The following MLLT3 variants were observed in gnomAD, a reference collection of about 807,000 sequenced individuals.
MLLT3 encodes the protein protein AF-9.
Under a neutral mutation model 53.2 loss-of-function variants are expected in MLLT3, and 4 were observed. The ratio of observed to expected loss-of-function variants is 0.08; its 90% CI spans 0.04 to 0.17. The LOEUF is 0.17. MLLT3 is among the 10% of genes least tolerant of loss of function. The probability of loss-of-function intolerance (pLI) is 1.00; values close to 1 mark genes in which losing one functional copy is unlikely to be tolerated. For synonymous variants in MLLT3, 283 were observed against 230.6 expected (o/e 1.23, Z -2.06); for missense variants, 569 against 684.0 (o/e 0.83, Z 1.87).
At chr9:20,419,614 C>T (rs1392176976) in intron 4 of MLLT3, among the ~76,000 whole-genome samples, 1 of 151,668 alleles carries the variant, frequency 6.6e-6, no homozygotes, top group Non-Finnish European at 1.5e-5. Flanking sequence ...TCACATTGTG[C>T]TTCTCATTTG....
intron 5 of MLLT3, 114 bp downstream of exon 5, chr9:20,413,607 T>G: frequency 1.2e-6 from 1 of 858,436 alleles, no homozygotes; most frequent in South Asian, 2.0e-5. Flanking sequence ...TCTACCTCTG[T>G]GCTACCATTT....
chr9:20,489,180 G>A (rs1353455730), intron 2 of MLLT3, among the ~76,000 whole-genome samples: 2 of 152,072 alleles, frequency 1.3e-5, no homozygotes, highest in Non-Finnish European at 2.9e-5. Flanking sequence ...AGGGTAGAGA[G>A]GTAGGGGACT....
intron 5 of MLLT3, among the ~76,000 whole-genome samples, chr9:20,369,360 C>G (rs534571186): frequency 6.6e-6 from 1 of 152,172 alleles, no homozygotes; most frequent in Non-Finnish European, 1.5e-5. Flanking sequence ...TCCTTAAACA[C>G]ACACACAAAA....
intron 2 of MLLT3, among the ~76,000 whole-genome samples, chr9:20,607,810 G>A (rs544350609): frequency 6.6e-6 from 1 of 152,036 alleles, no homozygotes; most frequent in East Asian, 1.9e-4. Flanking sequence ...ATTTTAGATT[G>A]CAGAGAGACC....
In MLLT3 at chr9:20,448,060, GTTT is replaced by G; in HGVS notation, c.420+60_420+62del. 1.7e-6 allele frequency: 2 copies of G among 1,205,034 alleles called. No individual in the cohort carries two copies. The highest frequency in any genetic ancestry group is 2.3e-6 in the Non-Finnish European group (2 of 878,406). 74.6% of individuals were successfully genotyped at this position (1,205,034 alleles called of 1,614,324 possible). ...TAACACATGAGGAACTAGTTTGTTTGTTTTTTTTTTTGTTGTTGTTGTTTTTTA... is the reference window on the plus strand; with the variant it reads ...TAACACATGAGGAACTAGTTTGTTTGTTTTTTTTGTTGTTGTTGTTTTTTA... On this transcript the variant is annotated intron_variant, in intron 4 of 10. Coordinates refer to ENST00000380338, the MANE Select transcript of MLLT3 (RefSeq NM_004529.4). This position sits in a 1 kb window ranked among gnomAD's most constrained non-coding sequence, Gnocchi z 4.0.
intron 2 of MLLT3, among the ~76,000 whole-genome samples, chr9:20,590,896 T>C (rs1363049615): frequency 7.1e-6 from 1 of 141,502 alleles, no homozygotes; most frequent in Non-Finnish European, 1.6e-5. Flanking sequence ...TGCATCACCA[T>C]ACTTAGCTAA....
intron 2 of MLLT3, among the ~76,000 whole-genome samples, chr9:20,544,041 A>T (rs1216018521): frequency 6.6e-6 from 1 of 152,226 alleles, no homozygotes; most frequent in Non-Finnish European, 1.5e-5. Context: ...GAGAACCCAG[A>T]AGTAAAGTCT....
intron 4 of MLLT3, among the ~76,000 whole-genome samples, chr9:20,440,713 A>G (rs1456855096): frequency 1.3e-5 from 2 of 152,174 alleles, no homozygotes; most frequent in Non-Finnish European, 2.9e-5. Context: ...AAACAGAATC[A>G]ACAGTTTTCA....
chr9:20,603,320 G>A (rs1820481911), intron 2 of MLLT3, among the ~76,000 whole-genome samples: 2 of 152,000 alleles, frequency 1.3e-5, no homozygotes, highest in South Asian at 4.1e-4. Context: ...TTTCAGCTCT[G>A]ATCTCAAGAA....
chr9:20,472,246 T>C (rs1019763892), intron 2 of MLLT3, among the ~76,000 whole-genome samples: 2 of 152,096 alleles, frequency 1.3e-5, no homozygotes, highest in African/African-American at 2.4e-5. Context: ...AATAAACTAG[T>C]ATGCAAATTT....
chr9:20,533,000 CA>C (rs1431105615), intron 2 of MLLT3: 3 of 258,302 alleles, frequency 1.2e-5, no homozygotes, highest in South Asian at 4.5e-5. Context: ...TGGTGGAGAA[CA>C]AAAAGGCTCA....
chr9:20,538,486 T>C (rs553787592), intron 2 of MLLT3, among the ~76,000 whole-genome samples: 1 of 152,282 alleles, frequency 6.6e-6, no homozygotes, highest in South Asian at 2.1e-4. Context: ...TCCACCTCAA[T>C]ATCAGGAATA....
At chr9:20,372,361 A>T (rs1390954838) in intron 5 of MLLT3, among the ~76,000 whole-genome samples, 1 of 152,132 alleles carries the variant, frequency 6.6e-6, no homozygotes, top group African/African-American at 2.4e-5. Context: ...TGCAAAAGTC[A>T]GTCAGTCCAT....
chr9:20,599,265 C>T (rs1482211467), intron 2 of MLLT3, among the ~76,000 whole-genome samples: 2 of 149,452 alleles, frequency 1.3e-5, no homozygotes, highest in East Asian at 3.9e-4. Flanking sequence ...GATCGTGCCA[C>T]TGCACGTCAG....
chr9:20,505,780 C>T (rs182430457), intron 2 of MLLT3, among the ~76,000 whole-genome samples: 1 of 152,112 alleles, frequency 6.6e-6, no homozygotes. Context: ...TGCGTCACCT[C>T]GGAAGGCTTA....
intron 2 of MLLT3, among the ~76,000 whole-genome samples, chr9:20,554,242 C>T (rs1818999861): frequency 6.6e-6 from 1 of 152,114 alleles, no homozygotes. Context: ...CTGTACAGTA[C>T]TGCTTTCATT....
intron 5 of MLLT3, among the ~76,000 whole-genome samples, chr9:20,410,929 C>T (rs1822711974): frequency 6.6e-6 from 1 of 152,190 alleles, no homozygotes; most frequent in African/African-American, 2.4e-5. Flanking sequence ...TTTCCAAAGT[C>T]CATGATCTCT....
chr9:20,436,904 C>T (rs1823420898), intron 4 of MLLT3, among the ~76,000 whole-genome samples: 1 of 152,096 alleles, frequency 6.6e-6, no homozygotes, highest in African/African-American at 2.4e-5. Flanking sequence ...AGTCACTGTG[C>T]TAATCATTTC....
At chr9:20,411,871 T>A (rs964870159) in intron 5 of MLLT3, 4 of 152,226 alleles carry the variant, frequency 2.6e-5, no homozygotes, top group African/African-American at 7.2e-5. Context: ...TGATGCTTTA[T>A]GAACGCCATT....
Sources: gnomAD v4.1 joint callset for allele counts (sites outside exome capture counted in the v4.1 genomes callset) on GRCh38, gnomAD v4.1.1 for gene constraint, Gnocchi (gnomAD v3.1) non-coding constraint, MANE v1.5 for transcripts, NCBI Gene and HGNC (gene_info 2026-07-23, HGNC 2026-07-21) for gene names.